NBAS: variants seen among roughly 807,000 people sequenced by gnomAD.
NBAS encodes the protein NBAS subunit of NRZ tethering complex, also known as NAG/BC035112 fusion.
In NBAS, 219 loss-of-function variants were observed where a neutral mutation model predicts 302.5. The ratio of observed to expected loss-of-function variants is 0.72; its 90% CI spans 0.65 to 0.81. The LOEUF (loss-of-function observed/expected upper bound fraction) is 0.81, where lower values mean the gene tolerates loss of function less well. Among genes scored for constraint, NBAS ranks in the 30% least tolerant of loss-of-function variants. The probability of loss-of-function intolerance (pLI) is 0.00; values close to 1 mark genes in which losing one functional copy is unlikely to be tolerated. For missense variants in NBAS, 2,932 were observed against 2,841.6 expected (o/e 1.03, Z -0.72); for synonymous variants, 1,118 against 1,021.6 (o/e 1.09, Z -1.80).
chr2:15,020,921 G>A, the NBAS span, among the ~76,000 whole-genome samples: 2 of 152,116 alleles, frequency 1.3e-5, no homozygotes, highest in East Asian at 1.9e-4. Context: ...TGCTTACTCT[G>A]CACTGGGTGC....
the NBAS span, among the ~76,000 whole-genome samples, chr2:14,830,670 C>G: frequency 6.6e-6 from 1 of 152,144 alleles, no homozygotes; most frequent in African/African-American, 2.4e-5. Context: ...GGAACCAGAG[C>G]CTTGTGAGCG....
the NBAS span, among the ~76,000 whole-genome samples, chr2:14,944,352 T>A: frequency 2.6e-5 from 4 of 151,462 alleles, no homozygotes; most frequent in Non-Finnish European, 5.9e-5. Context: ...TAATCCCTGC[T>A]ATGAATCCTG....
At chr2:14,791,220 A>G in the NBAS span, among the ~76,000 whole-genome samples, 2 of 151,420 alleles carry the variant, frequency 1.3e-5, no homozygotes, top group Non-Finnish European at 2.9e-5. Flanking sequence ...TGAACCCCCA[A>G]CCTCAGGTGA....
At chr2:15,211,283 A>G (rs1181446466) in intron 48 of NBAS, among the ~76,000 whole-genome samples, 4 of 152,218 alleles carry the variant, frequency 2.6e-5, no homozygotes, top group African/African-American at 9.6e-5. Context: ...AAAAAAATAA[A>G]AAGATAAAAA....
At chr2:15,495,929 C>G (rs544538770) in intron 11 of NBAS, among the ~76,000 whole-genome samples, 1 of 152,106 alleles carries the variant, frequency 6.6e-6, no homozygotes, top group African/African-American at 2.4e-5. Flanking sequence ...AATTCCACTC[C>G]AAGAAAAATT....
At chr2:15,113,830 G>A in the NBAS span, among the ~76,000 whole-genome samples, 54 of 151,892 alleles carry the variant, frequency 3.6e-4, no homozygotes, top group Admixed American at 4.6e-4. Context: ...CTCTATGTAT[G>A]AGCATTTCAA....
At chr2:15,134,212 T>C in the NBAS span, among the ~76,000 whole-genome samples, 1 of 152,162 alleles carries the variant, frequency 6.6e-6, no homozygotes, top group East Asian at 1.9e-4. Context: ...GCACTCACTA[T>C]GGGATTAAGC....
At chr2:15,158,615 T>A in the NBAS span, among the ~76,000 whole-genome samples, 2 of 152,216 alleles carry the variant, frequency 1.3e-5, no homozygotes, top group African/African-American at 2.4e-5. Flanking sequence ...CGGCTCCTTC[T>A]GGTAGAAGAG....
At chr2:15,027,430 A>AT in the NBAS span, among the ~76,000 whole-genome samples, 30 of 96,664 alleles carry the variant, frequency 3.1e-4, no homozygotes, top group East Asian at 8.7e-3. Context: ...TTGTAAATAA[A>AT]TTTTTTTCCA....
At chr2:14,837,474 T>C in the NBAS span, among the ~76,000 whole-genome samples, 1 of 151,712 alleles carries the variant, frequency 6.6e-6, no homozygotes. Flanking sequence ...TCTCCTTTTT[T>C]CTAGAGAATT....
rs762093479 is a variant in NBAS, at chr2:15,394,277, T to C, written c.3207A>G (p.Ser1069=). 1.2e-6 allele frequency: 2 copies of C among 1,612,902 alleles called. No homozygotes were observed. Among genetic ancestry groups the C allele is most frequent in the Non-Finnish European group, 1.7e-6 (2 of 1,179,274 alleles). The change falls in exon 28 of 52, where the codon TCA becomes TCG. Residue 1069 remains serine, a synonymous_variant. Coordinates refer to ENST00000281513, the MANE Select transcript of NBAS (RefSeq NM_015909.4). ...TAACCATCAGCTTGCGTGCCTCTTC[T>C]GAGCTAGATTGAGTGTTTTTAACAA... The part of the protein sequence containing the change: ...ISFVKNTQSS[S]EEARKLMVRL...
chr2:15,511,407 A>C, intron 9 of NBAS, 57 bp from the exon 10 acceptor site: 1 of 1,516,346 alleles, frequency 6.6e-7, no homozygotes, highest in Non-Finnish European at 9.1e-7. Context: ...TAAGAGCAAA[A>C]CAAAGAGAGC....
the NBAS span, among the ~76,000 whole-genome samples, chr2:14,859,138 G>T: frequency 6.6e-6 from 1 of 151,828 alleles, no homozygotes; most frequent in Non-Finnish European, 1.5e-5. Context: ...AGAAGTGAAA[G>T]ATTTATATAA....
the NBAS span, among the ~76,000 whole-genome samples, chr2:14,905,542 G>A: frequency 6.6e-6 from 1 of 152,120 alleles, no homozygotes; most frequent in Non-Finnish European, 1.5e-5. Flanking sequence ...ACTCCTCAGG[G>A]AATAAGTAAC....
chr2:14,872,859 G>C, the NBAS span, among the ~76,000 whole-genome samples: 8 of 152,090 alleles, frequency 5.3e-5, no homozygotes, highest in Non-Finnish European at 1.0e-4. Flanking sequence ...AGCTCTTAAA[G>C]GCGGCGCCTC....
intron 44 of NBAS, among the ~76,000 whole-genome samples, chr2:15,263,955 T>G (rs1471993360): frequency 6.6e-6 from 1 of 152,356 alleles, no homozygotes; most frequent in South Asian, 2.1e-4. Flanking sequence ...GCATGGCTGT[T>G]TATTATAAGT....
At chr2:15,377,131 G>T (rs375858028) in intron 30 of NBAS, among the ~76,000 whole-genome samples, 121 of 152,162 alleles carry the variant, frequency 8.0e-4, no homozygotes, top group African/African-American at 2.9e-3. Flanking sequence ...TGAAAACTTG[G>T]CAATGTAGTA....
chr2:15,435,512 C>T (rs999927824), intron 21 of NBAS, among the ~76,000 whole-genome samples: 1 of 152,244 alleles, frequency 6.6e-6, no homozygotes, highest in East Asian at 1.9e-4. Flanking sequence ...TATTATCTTT[C>T]TCATTTTACA....
chr2:15,484,438 A>C (rs1319741631), intron 12 of NBAS, among the ~76,000 whole-genome samples: 1 of 152,138 alleles, frequency 6.6e-6, no homozygotes, highest in African/African-American at 2.4e-5. Context: ...CCACCCATTT[A>C]TGCCTAGTGT....
Sources: allele counts gnomAD v4.1 joint callset (sites outside exome capture counted in the v4.1 genomes callset), GRCh38; gene constraint gnomAD v4.1.1; transcripts MANE v1.5; gene names NCBI Gene and HGNC (gene_info 2026-07-23, HGNC 2026-07-21).